ZNF618: variants seen among roughly 807,000 people sequenced by gnomAD.
ZNF618 encodes the protein zinc finger protein 618, also known as neural precursor cell expressed, developmentally down-regulated 10.
In ZNF618, 34 loss-of-function variants were observed where a neutral mutation model predicts 103.0. The ratio of observed to expected loss-of-function variants is 0.33; its 90% CI spans 0.25 to 0.44. ZNF618 has a LOEUF of 0.44. Ranked by LOEUF, ZNF618 falls within the 20% of genes least tolerant of loss-of-function variation. The pLI is 1.00. For missense variants in ZNF618, 1,059 were observed against 1,295.4 expected, an observed-to-expected ratio of 0.82 and a Z score of 2.80; for synonymous variants, 551 against 542.2, an observed-to-expected ratio of 1.02 and a Z score of -0.23.
chr9:113,928,817 A>G (rs1415103847), intron 1 of ZNF618, among the ~76,000 whole-genome samples: 4 of 152,024 alleles, frequency 2.6e-5, no homozygotes, highest in Non-Finnish European at 5.9e-5. Flanking sequence ...ATTCAATCTC[A>G]ATTATTATTA....
rs377622947 is a variant in ZNF618 at position 113,926,151 on chromosome 9, TG to T, written c.34-42965del. Among the ~76,000 whole-genome samples the T allele has an allele frequency of 9.4e-4, 140 of 149,564 alleles. 2 individuals carry two copies. The highest frequency in any genetic ancestry group is 3.8e-3 in the South Asian group (18 of 4,754). On this transcript the variant is annotated intron_variant, in intron 1 of 14. Coordinates refer to ENST00000374126, the MANE Select transcript of ZNF618 (RefSeq NM_001318042.2). ...CTGGATCAGATTTCTAGGTTGGTGT[TG>T]TTTTTTTTTTTTTTCTTTTAGGACT...
At chr9:113,919,325 C>T (rs1832424783) in intron 1 of ZNF618, among the ~76,000 whole-genome samples, 1 of 152,174 alleles carries the variant, frequency 6.6e-6, no homozygotes, top group African/African-American at 2.4e-5. Flanking sequence ...TAGCTGGGGG[C>T]TGCTGAGAGC....
At chr9:113,901,981 C>T (rs1830597535) in intron 1 of ZNF618, among the ~76,000 whole-genome samples, 1 of 152,042 alleles carries the variant, frequency 6.6e-6, no homozygotes, top group African/African-American at 2.4e-5. Context: ...CCTGTTTTTG[C>T]ATCTGCATAA....
rs1846372237 is a variant in ZNF618, at chr9:114,054,939, C to CT, written c.*4772_*4773insT. On this transcript the variant is annotated 3_prime_UTR_variant, in exon 15 of 15. Transcript: ENST00000374126. The stretch of plus-strand genomic sequence containing the variant: ...ATATTCATGCCCCGTCCCTTCCCCC[C>CT]CCACCCCCCCGCCCACCCACCACGG... 7.3e-6 allele frequency: 1 copy of CT among 136,778 alleles called. No individual in the cohort carries two copies. Among genetic ancestry groups the CT allele is most frequent in the Non-Finnish European group, 1.6e-5 (1 of 63,066 alleles). The allele number at this position is 136,778 out of a possible 1,614,324, so 8.5% of individuals were successfully genotyped here.
intron 1 of ZNF618, among the ~76,000 whole-genome samples, chr9:113,897,875 C>G (rs1478341081): frequency 2.6e-5 from 4 of 152,242 alleles, no homozygotes; most frequent in South Asian, 2.1e-4. Context: ...CTCACTGCAA[C>G]CTCTGCCTCC....
intron 1 of ZNF618, among the ~76,000 whole-genome samples, chr9:113,947,141 A>T (rs911220334): frequency 6.6e-6 from 1 of 152,160 alleles, no homozygotes; most frequent in Non-Finnish European, 1.5e-5. Context: ...GGTTTGCAGA[A>T]TGAAGCAATT....
At chr9:113,902,321 A>G (rs1246482451) in intron 1 of ZNF618, among the ~76,000 whole-genome samples, 4 of 152,212 alleles carry the variant, frequency 2.6e-5, no homozygotes, top group African/African-American at 9.7e-5. Flanking sequence ...AGCACATAGT[A>G]AGAACTCAGA....
At chr9:113,897,619 C>A (rs938872160) in intron 1 of ZNF618, among the ~76,000 whole-genome samples, 1 of 152,090 alleles carries the variant, frequency 6.6e-6, no homozygotes, top group Non-Finnish European at 1.5e-5. Flanking sequence ...TATCCATATA[C>A]CCCTATTGTT....
At chr9:113,882,022 G>A (rs1283690880) in intron 1 of ZNF618, among the ~76,000 whole-genome samples, 2 of 152,234 alleles carry the variant, frequency 1.3e-5, no homozygotes, top group African/African-American at 2.4e-5. Context: ...TTGCCAGAGA[G>A]AAGGATGAAG....
At chr9:114,033,530 C>T (rs928228583) in intron 12 of ZNF618, among the ~76,000 whole-genome samples, 3 of 152,156 alleles carry the variant, frequency 2.0e-5, no homozygotes, top group African/African-American at 7.2e-5. Context: ...AACTGAGGCT[C>T]TAGGTGGTCT....
At chr9:114,021,126 C>T (rs935704915) in intron 10 of ZNF618, among the ~76,000 whole-genome samples, 5 of 151,882 alleles carry the variant, frequency 3.3e-5, no homozygotes, top group Admixed American at 2.6e-4. Flanking sequence ...TATTAAAACA[C>T]GTTAAGAATA....
chr9:113,966,282 C>T lies in ZNF618; in HGVS notation c.34-2835C>T, dbSNP rs553304623. 1.3e-3 allele frequency among the ~76,000 whole-genome samples: 194 copies of T among 152,264 alleles called. 2 individuals carry two copies. The highest frequency in any genetic ancestry group is 1.8e-4 in the Non-Finnish European group (12 of 68,016). ...GGGAGAAATCGAGGCCTTGGAAATA[C>T]GTGTGACTTGCTGAAGATCGCAGAG... On this transcript the variant is annotated intron_variant, in intron 1 of 14. Transcript: ENST00000374126.
At chr9:113,889,098 G>T (rs1829353612) in intron 1 of ZNF618, among the ~76,000 whole-genome samples, 1 of 152,096 alleles carries the variant, frequency 6.6e-6, no homozygotes, top group East Asian at 1.9e-4. Context: ...AAATTCAGTG[G>T]CTTAACGCAA....
At chr9:114,003,778 G>A (rs1343129333) in intron 6 of ZNF618, among the ~76,000 whole-genome samples, 1 of 152,122 alleles carries the variant, frequency 6.6e-6, no homozygotes, top group African/African-American at 2.4e-5. Context: ...TGAACAAGCT[G>A]TGCACTTAGG....
At chr9:114,029,020 C>T in intron 11 of ZNF618, 48 bp downstream of exon 11, 1 of 1,523,792 alleles carries the variant, frequency 6.6e-7, no homozygotes, top group Non-Finnish European at 8.8e-7. Context: ...CACTGCCCTT[C>T]TCACCACCTG....
intron 3 of ZNF618, among the ~76,000 whole-genome samples, chr9:113,997,745 T>C (rs911799166): frequency 1.3e-5 from 2 of 152,142 alleles, no homozygotes; most frequent in Non-Finnish European, 2.9e-5. Flanking sequence ...GTGGTGATGG[T>C]GATAGCCATG....
intron 13 of ZNF618, among the ~76,000 whole-genome samples, chr9:114,038,143 G>A (rs1179386087): frequency 6.6e-6 from 1 of 152,180 alleles, no homozygotes; most frequent in African/African-American, 2.4e-5. Flanking sequence ...GGGAACCACT[G>A]CCTGAACATA....
At chr9:113,904,375 A>G (rs997676600) in intron 1 of ZNF618, among the ~76,000 whole-genome samples, 1 of 152,068 alleles carries the variant, frequency 6.6e-6, no homozygotes, top group Non-Finnish European at 1.5e-5. Flanking sequence ...CAACATCCAT[A>G]AAGTCTATCA....
intron 6 of ZNF618, among the ~76,000 whole-genome samples, chr9:114,002,923 A>G (rs1310070480): frequency 6.6e-6 from 1 of 152,208 alleles, no homozygotes; most frequent in Non-Finnish European, 1.5e-5. Flanking sequence ...TCTCTGGCCA[A>G]GTAACTTTGG....
Sources: allele counts gnomAD v4.1 joint callset (sites outside exome capture counted in the v4.1 genomes callset), GRCh38; gene constraint gnomAD v4.1.1; transcripts MANE v1.5; gene names NCBI Gene and HGNC (gene_info 2026-07-23, HGNC 2026-07-21).